FMNL2: variants seen among roughly 807,000 people sequenced by gnomAD.
The protein encoded by FMNL2 is formin-like protein 2.
A neutral mutation model predicts 130.2 loss-of-function variants in FMNL2; 51 were observed. That is an observed-to-expected ratio of 0.39 (90% CI 0.31 to 0.49). The LOEUF is 0.49. Ranked by LOEUF, FMNL2 falls within the 20% of genes least tolerant of loss-of-function variation. The pLI, the probability that FMNL2 is intolerant of heterozygous loss-of-function variation, is 0.85. For synonymous variants in FMNL2, 465 were observed against 467.1 expected, an observed-to-expected ratio of 1.00 and a Z score of 0.06; for missense variants, 977 against 1,316.2, an observed-to-expected ratio of 0.74 and a Z score of 3.99.
intron 1 of FMNL2, among the ~76,000 whole-genome samples, chr2:152,419,471 T>C (rs879291979): frequency 2.0e-5 from 3 of 152,128 alleles, no homozygotes; most frequent in Non-Finnish European, 4.4e-5. Flanking sequence ...CACCACATGT[T>C]CTTACATATG....
At chr2:152,367,102 G>A (rs1225367409) in intron 1 of FMNL2, among the ~76,000 whole-genome samples, 1 of 149,758 alleles carries the variant, frequency 6.7e-6, no homozygotes, top group East Asian at 1.9e-4. Context: ...CCCAGATGGG[G>A]TCTTGCTCTG....
intron 1 of FMNL2, among the ~76,000 whole-genome samples, chr2:152,338,193 G>A (rs1215316399): frequency 2.6e-5 from 4 of 152,108 alleles, no homozygotes; most frequent in East Asian, 1.9e-4. Context: ...AATTGTGTTG[G>A]CATTATTGAT....
At chr2:152,373,645 A>G (rs1263073294) in intron 1 of FMNL2, among the ~76,000 whole-genome samples, 1 of 152,138 alleles carries the variant, frequency 6.6e-6, no homozygotes, top group African/African-American at 2.4e-5. Context: ...ACATCACTTC[A>G]TTCTTGTGGA....
chr2:152,613,984 C>G (rs530907023), intron 11 of FMNL2, among the ~76,000 whole-genome samples: 7 of 152,164 alleles, frequency 4.6e-5, no homozygotes, highest in African/African-American at 1.2e-4. Context: ...CTGAGCTGTT[C>G]ATGCTGTATA....
chr2:152,435,156 C>A (rs1230729587), intron 1 of FMNL2, among the ~76,000 whole-genome samples: 3 of 152,110 alleles, frequency 2.0e-5, no homozygotes, highest in Non-Finnish European at 4.4e-5. Flanking sequence ...TACATGTACA[C>A]CCCTCACCTT....
chr2:152,416,083 G>A (rs1174040064), intron 1 of FMNL2, among the ~76,000 whole-genome samples: 1 of 151,954 alleles, frequency 6.6e-6, no homozygotes, highest in Non-Finnish European at 1.5e-5. Flanking sequence ...GGATGGAGGA[G>A]GGCTTTTCAG....
chr2:152,598,429 C>G (rs925950334), intron 9 of FMNL2, among the ~76,000 whole-genome samples: 12 of 152,234 alleles, frequency 7.9e-5, no homozygotes, highest in Non-Finnish European at 1.3e-4. Context: ...TGGCTCATGC[C>G]TGTAATCCCA....
chr2:152,624,469 C>G (rs1053760867), intron 15 of FMNL2, among the ~76,000 whole-genome samples: 3 of 152,102 alleles, frequency 2.0e-5, no homozygotes, highest in East Asian at 1.9e-4. Context: ...TTCCTTCCCC[C>G]CCGCCCCTTT....
intron 1 of FMNL2, among the ~76,000 whole-genome samples, chr2:152,514,296 T>C (rs1692642084): frequency 1.3e-5 from 2 of 152,172 alleles, no homozygotes; most frequent in Admixed American, 1.3e-4. Flanking sequence ...GGCCGATGAC[T>C]TCTCACTGCC....
Position 152,436,723 on chromosome 2 carries a change from A to G in FMNL2, c.118-85220A>G, listed in dbSNP as rs186857455. The stretch of plus-strand genomic sequence containing the variant: ...CCTCCAGTGTTTCTGGTAGTGAGAA[A>G]TAGTCTCAGTAACCCATCTAGTAAT... On this transcript the variant is annotated intron_variant, in intron 1 of 25. Coordinates refer to ENST00000288670, the MANE Select transcript of FMNL2 (RefSeq NM_052905.4). Among the ~76,000 whole-genome samples the G allele has an allele frequency of 3.1e-3, 467 of 152,270 alleles. 4 individuals carry two copies. The highest frequency in any genetic ancestry group is 3.2e-3 in the Non-Finnish European group (218 of 68,012).
At chr2:152,351,945 A>G (rs1471794066) in intron 1 of FMNL2, among the ~76,000 whole-genome samples, 1 of 152,194 alleles carries the variant, frequency 6.6e-6, no homozygotes, top group African/African-American at 2.4e-5. Context: ...TTCTCTAATG[A>G]CTAGTGATGA....
intron 15 of FMNL2, among the ~76,000 whole-genome samples, chr2:152,624,607 G>A (rs1474453012): frequency 6.6e-6 from 1 of 152,186 alleles, no homozygotes; most frequent in Non-Finnish European, 1.5e-5. Flanking sequence ...GGGAGGCCGA[G>A]TGGGGAAGCT....
At chr2:152,403,497 T>C (rs1187802732) in intron 1 of FMNL2, among the ~76,000 whole-genome samples, 6 of 152,234 alleles carry the variant, frequency 3.9e-5, no homozygotes, top group Admixed American at 3.3e-4. Context: ...TTGAATCGTT[T>C]CAGCTTTGAC....
chr2:152,559,797 G>T (rs1695423451), intron 5 of FMNL2, among the ~76,000 whole-genome samples: 1 of 152,086 alleles, frequency 6.6e-6, no homozygotes, highest in Non-Finnish European at 1.5e-5. Flanking sequence ...CTTTTTAGCA[G>T]TTAAAATTTT....
At chr2:152,464,166 ACTC>A (rs1219069605) in intron 1 of FMNL2, among the ~76,000 whole-genome samples, 1 of 151,858 alleles carries the variant, frequency 6.6e-6, no homozygotes, top group Non-Finnish European at 1.5e-5. Flanking sequence ...CTGGTCTTGA[ACTC>A]CTGACCTCAG....
Position 152,357,074 on chromosome 2 carries a change from A to ATCATGATAAATATTACATCAGTTTAATG in FMNL2, c.117+21355_117+21356insCATGATAAATATTACATCAGTTTAATGT, listed in dbSNP as rs1560293556. Among the ~76,000 whole-genome samples, 48 of 101,156 alleles carry ATCATGATAAATATTACATCAGTTTAATG rather than the reference A, an allele frequency of 4.7e-4. 7 individuals are homozygous for ATCATGATAAATATTACATCAGTTTAATG. The highest frequency in any genetic ancestry group is 1.8e-3 in the African/African-American group (44 of 24,892). 66.4% of individuals were successfully genotyped at this position (101,156 alleles called of 152,430 possible). ...ACGATAAATATTACATAAGTTTAAT[A>ATCATGATAAATATTACATCAGTTTAATG]TATCACGATAAATATTACATAAGTT... On this transcript the variant is annotated intron_variant, in intron 1 of 25. Coordinates refer to ENST00000288670, the MANE Select transcript of FMNL2 (RefSeq NM_052905.4).
intron 1 of FMNL2, among the ~76,000 whole-genome samples, chr2:152,376,082 C>T (rs1046701000): frequency 2.0e-5 from 3 of 151,592 alleles, no homozygotes; most frequent in South Asian, 2.1e-4. Context: ...TTAGTAGAGA[C>T]GGGGTTTCAC....
intron 2 of FMNL2, among the ~76,000 whole-genome samples, chr2:152,541,738 A>G (rs955550377): frequency 6.6e-6 from 1 of 152,146 alleles, no homozygotes. Flanking sequence ...CACCTATTTT[A>G]TAAGTGTGAA....
intron 1 of FMNL2, among the ~76,000 whole-genome samples, chr2:152,349,810 T>A (rs1397965185): frequency 1.3e-5 from 2 of 152,226 alleles, no homozygotes; most frequent in South Asian, 4.1e-4. Flanking sequence ...TCTAGCTCAG[T>A]CCCAACCACT....
Sources: gnomAD v4.1 joint callset for allele counts (sites outside exome capture counted in the v4.1 genomes callset) on GRCh38, gnomAD v4.1.1 for gene constraint, MANE v1.5 for transcripts, NCBI Gene and HGNC (gene_info 2026-07-23, HGNC 2026-07-21) for gene names.